PPP4R4: variants seen among roughly 807,000 people sequenced by gnomAD.
PPP4R4 encodes serine/threonine-protein phosphatase 4 regulatory subunit 4.
A neutral mutation model predicts 121.8 loss-of-function variants in PPP4R4; 70 were observed. The ratio of observed to expected loss-of-function variants is 0.57; its 90% CI spans 0.47 to 0.70. The LOEUF is 0.70. Among genes scored for constraint, PPP4R4 ranks in the 30% least tolerant of loss-of-function variants. The pLI is 0.00. For missense variants in PPP4R4, 875 were observed against 1,033.6 expected, an observed-to-expected ratio of 0.85 and a Z score of 2.10; for synonymous variants, 348 against 355.7, an observed-to-expected ratio of 0.98 and a Z score of 0.24.
intron 2 of PPP4R4, among the ~76,000 whole-genome samples, chr14:94,198,711 G>A (rs555222243): frequency 6.6e-6 from 1 of 152,276 alleles, no homozygotes; most frequent in East Asian, 1.9e-4. Flanking sequence ...ATTGTTTCAG[G>A]TTGAGGAGAG....
intron 13 of PPP4R4, 48 bp from the exon 14 acceptor site, chr14:94,246,309 G>C: frequency 6.6e-7 from 1 of 1,510,750 alleles, no homozygotes; most frequent in Middle Eastern, 1.8e-4. Context: ...ATTTTACTGA[G>C]TGCTGCAATT....
chr14:94,177,617 T>G (rs1290218427), intron 2 of PPP4R4, among the ~76,000 whole-genome samples: 1 of 152,242 alleles, frequency 6.6e-6, no homozygotes, highest in Non-Finnish European at 1.5e-5. Context: ...TTCTTTAGTA[T>G]AAACACTGGC....
chr14:94,212,760 GA>G lies in PPP4R4; in HGVS notation c.294+4197del, dbSNP rs370353853. Among the ~76,000 whole-genome samples, 268 of 152,184 alleles carry G rather than the reference GA, an allele frequency of 1.8e-3. 3 individuals carry two copies. The South Asian group carries it at 0.029, about 17-fold the overall frequency. ...TTTGAACTTCTCATTATCTAGAAGT[GA>G]AAGAATTTGATTGTCAAGATAAATA... On this transcript the variant is annotated intron_variant, in intron 3 of 24. Coordinates refer to ENST00000304338, the MANE Select transcript of PPP4R4 (RefSeq NM_058237.2).
At chr14:94,240,095 T>C (rs1057456503) in intron 8 of PPP4R4, among the ~76,000 whole-genome samples, 2 of 152,150 alleles carry the variant, frequency 1.3e-5, no homozygotes, top group Admixed American at 6.5e-5. Flanking sequence ...AATTGAGACT[T>C]AAAAATCACC....
chr14:94,265,567 G>C, intron 21 of PPP4R4, 94 bp downstream of exon 21: 7 of 1,100,384 alleles, frequency 6.4e-6, no homozygotes, highest in African/African-American at 1.6e-5. Context: ...GATACAGTAG[G>C]ATAATATATC....
chr14:94,176,532 T>C (rs1888689513), intron 2 of PPP4R4, among the ~76,000 whole-genome samples: 1 of 152,198 alleles, frequency 6.6e-6, no homozygotes. Context: ...TCCACAAATA[T>C]GGTAGTTCAT....
Position 94,185,949 on chromosome 14 carries a change from A to C in PPP4R4, c.191+9822A>C, listed in dbSNP as rs531543133. 3.9e-5 allele frequency among the ~76,000 whole-genome samples: 6 copies of C among 152,316 alleles called. No homozygotes were observed. The East Asian group carries it at 5.8e-4, about 15-fold the overall frequency. On this transcript the variant is annotated intron_variant, in intron 2 of 24. Coordinates refer to ENST00000304338, the MANE Select transcript of PPP4R4 (RefSeq NM_058237.2). ...AGCCACTGGTATCTCTTTGCAGTTA[A>C]TGCCACACCCTAACCCTAAGCAACC... is the stretch of plus-strand genomic sequence containing the variant.
At chr14:94,204,810 A>G (rs897260560) in intron 2 of PPP4R4, among the ~76,000 whole-genome samples, 1 of 152,154 alleles carries the variant, frequency 6.6e-6, no homozygotes, top group Non-Finnish European at 1.5e-5. Flanking sequence ...TGGAGTGATT[A>G]TAAATTATAT....
intron 3 of PPP4R4, among the ~76,000 whole-genome samples, chr14:94,216,397 G>C (rs1260748125): frequency 6.6e-6 from 1 of 152,238 alleles, no homozygotes; most frequent in African/African-American, 2.4e-5. Context: ...ACCACATAAA[G>C]TAGTTAGCAG....
At chr14:94,199,885 C>G (rs1322846873) in intron 2 of PPP4R4, among the ~76,000 whole-genome samples, 2 of 152,162 alleles carry the variant, frequency 1.3e-5, no homozygotes, top group African/African-American at 4.8e-5. Context: ...ACTTGCGTCT[C>G]TGCCTGCTAG....
intron 2 of PPP4R4, among the ~76,000 whole-genome samples, chr14:94,180,784 C>T (rs1013801187): frequency 6.6e-6 from 1 of 151,696 alleles, no homozygotes; most frequent in Non-Finnish European, 1.5e-5. Flanking sequence ...ACAGCCACTG[C>T]CCCCGATCAT....
intron 22 of PPP4R4, among the ~76,000 whole-genome samples, chr14:94,266,296 T>C (rs1035885187): frequency 1.3e-5 from 2 of 152,140 alleles, no homozygotes; most frequent in Admixed American, 6.6e-5. Context: ...GTTCATATGA[T>C]AAAGTGATCA....
In PPP4R4 at chr14:94,202,862, A is replaced by C. The variant is rs529034868; in HGVS notation, c.192-5602A>C. ...GCCGGGCGTGGTGGCACGTGCCTGT[A>C]ATCCCAGCTACTCGGGAGGCTGAGG... On this transcript the variant is annotated intron_variant, in intron 2 of 24. Coordinates refer to ENST00000304338, the MANE Select transcript of PPP4R4 (RefSeq NM_058237.2). 9.9e-5 allele frequency among the ~76,000 whole-genome samples: 15 copies of C among 152,220 alleles called. No individual in the cohort carries two copies. In the East Asian group the frequency reaches 2.7e-3, roughly 27 times the overall value.
At chr14:94,265,747 C>T (rs769240835) in intron 21 of PPP4R4, 47 bp from the exon 22 acceptor site, 26 of 1,367,910 alleles carry the variant, frequency 1.9e-5, no homozygotes, top group Admixed American at 1.7e-4. Flanking sequence ...TTGGAGCAGC[C>T]GAGGATGAAC....
chr14:94,245,722 C>G (rs756150973), intron 13 of PPP4R4, 52 bp downstream of exon 13: 1 of 1,327,272 alleles, frequency 7.5e-7, no homozygotes, highest in East Asian at 2.4e-5. Flanking sequence ...TTATCCTACT[C>G]TACAGGGTGT....
At chr14:94,237,795 C>G (rs1163853859) in intron 8 of PPP4R4, 109 bp downstream of exon 8, 2 of 1,301,630 alleles carry the variant, frequency 1.5e-6, no homozygotes, top group African/African-American at 3.0e-5. Context: ...TTAAGCCTCC[C>G]TTCCTCTCCC....
rs112162945 is a variant in PPP4R4 at position 94,214,937 on chromosome 14, A to G, written c.294+6371A>G. ...TATTTAAAATATTGTATAAAATTAC[A>G]TTCAGCCTATGTGTATAAAATGTAT... On this transcript the variant is annotated intron_variant, in intron 3 of 24. Coordinates refer to ENST00000304338, the MANE Select transcript of PPP4R4 (RefSeq NM_058237.2). 8.0e-3 allele frequency among the ~76,000 whole-genome samples: 1,222 copies of G among 152,338 alleles called. 16 individuals carry two copies. Among genetic ancestry groups the G allele is most frequent in the African/African-American group, 0.028 (1,152 of 41,570 alleles).
At chr14:94,226,928 T>C (rs1891738726) in intron 3 of PPP4R4, among the ~76,000 whole-genome samples, 1 of 152,210 alleles carries the variant, frequency 6.6e-6, no homozygotes, top group African/African-American at 2.4e-5. Context: ...AATGCTTTTC[T>C]ATATTGTGTA....
At chr14:94,215,180 C>T (rs2139471046) in intron 3 of PPP4R4, among the ~76,000 whole-genome samples, 1 of 152,268 alleles carries the variant, frequency 6.6e-6, no homozygotes, top group Middle Eastern at 3.4e-3. Flanking sequence ...AAAAATCCTC[C>T]TAACAGCTCC....
Sources: gnomAD v4.1 joint callset for allele counts (sites outside exome capture counted in the v4.1 genomes callset) on GRCh38, gnomAD v4.1.1 for gene constraint, MANE v1.5 for transcripts, NCBI Gene and HGNC (gene_info 2026-07-23, HGNC 2026-07-21) for gene names.